The following PVT1 variants were observed in gnomAD, a reference collection of about 807,000 sequenced individuals.
PVT1 encodes CXCR4/PVT1 fusion.
chr8:127,937,804 G>C (rs1053736058), intron 3 of PVT1, among the ~76,000 whole-genome samples: 1 of 152,126 alleles, frequency 6.6e-6, no homozygotes, highest in Non-Finnish European at 1.5e-5. Flanking sequence ...CATCGAACAA[G>C]GGCATTATTT....
intron 3 of PVT1, among the ~76,000 whole-genome samples, chr8:127,961,553 G>A (rs1457280814): frequency 6.6e-6 from 1 of 152,210 alleles, no homozygotes; most frequent in Non-Finnish European, 1.5e-5. Context: ...TCTAAGGTAA[G>A]TGAGGGCTGT....
chr8:127,916,669 T>A (rs986835879), intron 3 of PVT1, among the ~76,000 whole-genome samples: 2 of 152,200 alleles, frequency 1.3e-5, no homozygotes, highest in African/African-American at 4.8e-5. Context: ...TTTGTCCTCC[T>A]CTCATCCTGG....
At position 128,031,029 on chromosome 8, in the gene PVT1, G is replaced by A. The variant is rs1404551725; in HGVS notation, n.913-39131G>A. ...ACACCAAAGTTCTCCCAACCATCGT[G>A]TTGACAGCTATCTGCCTGCTGCCCT... On this transcript the variant is annotated intron_variant and non_coding_transcript_variant, in intron 4 of 10. Coordinates refer to ENST00000651587, the Ensembl canonical transcript of PVT1. Among the ~76,000 whole-genome samples the A allele has an allele frequency of 5.3e-5, 8 of 152,340 alleles. No homozygotes were observed. The East Asian group carries it at 1.5e-3, about 29-fold the overall frequency.
chr8:128,081,964 ACAC>A (rs1453223534), intron 5 of PVT1, among the ~76,000 whole-genome samples: 1 of 152,084 alleles, frequency 6.6e-6, no homozygotes, highest in Non-Finnish European at 1.5e-5. Context: ...ATTGTATTGA[ACAC>A]CCCCCCTCAC....
chr8:128,092,051 C>T (rs552271747), intron 5 of PVT1, among the ~76,000 whole-genome samples: 54 of 151,814 alleles, frequency 3.6e-4, no homozygotes, highest in Non-Finnish European at 6.8e-4. Flanking sequence ...CGTGTGCAAG[C>T]TTTGGGCCTG....
chr8:127,833,601 A>G (rs575183836), intron 2 of PVT1, among the ~76,000 whole-genome samples: 1 of 152,212 alleles, frequency 6.6e-6, no homozygotes, highest in South Asian at 2.1e-4. Context: ...CTACAGGTGC[A>G]TGCTATGATG....
intron 3 of PVT1, among the ~76,000 whole-genome samples, chr8:127,935,345 ACAG>A (rs753362870): frequency 4.3e-4 from 66 of 151,896 alleles, no homozygotes; most frequent in Non-Finnish European, 8.7e-4. Context: ...CTGGCTCTAC[ACAG>A]CAGCAGGCAT....
chr8:128,019,991 G>T (rs953517585), intron 4 of PVT1, among the ~76,000 whole-genome samples: 2 of 152,160 alleles, frequency 1.3e-5, no homozygotes, highest in African/African-American at 4.8e-5. Flanking sequence ...TTCCATCAGA[G>T]AATCTCATTT....
chr8:127,952,520 T>C (rs1206833136), intron 3 of PVT1, among the ~76,000 whole-genome samples: 3 of 152,274 alleles, frequency 2.0e-5, no homozygotes, highest in Admixed American at 2.0e-4. Flanking sequence ...TTTCATTTGA[T>C]GCTTCCTTTA....
At position 127,954,555 on chromosome 8, in the gene PVT1, C is replaced by T. The variant is rs187487751; in HGVS notation, n.783-34607C>T. 6.5e-4 allele frequency among the ~76,000 whole-genome samples: 99 copies of T among 152,188 alleles called. 1 individual carries two copies. The highest frequency in any genetic ancestry group is 1.2e-3 in the Non-Finnish European group (85 of 68,004). ...TGATCCACCCGCCTCGGCCTCCCAA[C>T]GTGCTGGGATTACAGGCATGAGCCA... On this transcript the variant is annotated intron_variant and non_coding_transcript_variant, in intron 3 of 10. Transcript: ENST00000651587.
intron 2 of PVT1, among the ~76,000 whole-genome samples, chr8:127,817,018 C>T (rs1265575961): frequency 6.6e-6 from 1 of 151,916 alleles, no homozygotes; most frequent in Non-Finnish European, 1.5e-5. Flanking sequence ...CCCCCCACCC[C>T]CTCCCGATAC....
rs191310962 is a variant in PVT1 at position 127,847,043 on chromosome 8, C to G, written n.373-43546C>G. On this transcript the variant is annotated intron_variant and non_coding_transcript_variant, in intron 2 of 10. Coordinates refer to ENST00000651587, the Ensembl canonical transcript of PVT1. ...GTTGAGATGGAGTATTGCTTTGTTG[C>G]CCAGGCTGGAGTGCAGTGGTGAGAT... is the stretch of plus-strand genomic sequence containing the variant. 3.5e-4 allele frequency among the ~76,000 whole-genome samples: 47 copies of G among 135,444 alleles called. 1 individual carries two copies. Among genetic ancestry groups the G allele is most frequent in the African/African-American group, 1.2e-3 (44 of 35,308 alleles). The allele number at this position is 135,444 out of a possible 152,430, so 88.9% of individuals were successfully genotyped here. A position where few individuals can be genotyped will look rare whatever the true frequency, so the allele number is the denominator to read the frequency against.
intron 2 of PVT1, among the ~76,000 whole-genome samples, chr8:127,886,780 C>G (rs1815528602): frequency 6.6e-6 from 1 of 152,198 alleles, no homozygotes; most frequent in African/African-American, 2.4e-5. Context: ...TGGGTCATCT[C>G]AGGATCATGG....
intron 2 of PVT1, among the ~76,000 whole-genome samples, chr8:127,865,633 C>T (rs1815278717): frequency 6.6e-6 from 1 of 152,212 alleles, no homozygotes; most frequent in Admixed American, 6.5e-5. Flanking sequence ...GAAATAGGAA[C>T]TCCCCCAGAG....
intron 4 of PVT1, among the ~76,000 whole-genome samples, chr8:128,008,042 T>G (rs1392176373): frequency 6.6e-6 from 1 of 152,250 alleles, no homozygotes; most frequent in Non-Finnish European, 1.5e-5. Flanking sequence ...ACTAAGATTG[T>G]ATCATTTTGG....
At chr8:127,887,161 C>A (rs1378722556) in intron 2 of PVT1, among the ~76,000 whole-genome samples, 1 of 152,164 alleles carries the variant, frequency 6.6e-6, no homozygotes, top group Non-Finnish European at 1.5e-5. Flanking sequence ...TCTCTTTTTA[C>A]CAGGATTTCT....
chr8:128,087,086 G>A (rs1814268027), intron 5 of PVT1, among the ~76,000 whole-genome samples: 1 of 152,216 alleles, frequency 6.6e-6, no homozygotes, highest in Non-Finnish European at 1.5e-5. Context: ...CAATAGTGGA[G>A]CATCTTTGTG....
chr8:128,071,725 T>TAAATAAAAAC (rs1813997602), intron 5 of PVT1, among the ~76,000 whole-genome samples: 1 of 79,500 alleles, frequency 1.3e-5, no homozygotes, highest in Non-Finnish European at 2.7e-5. Flanking sequence ...TAAATAAAAA[T>TAAATAAAAAC]AAAAGAAATG....
chr8:128,077,640 C>A (rs2542403), intron 5 of PVT1, among the ~76,000 whole-genome samples: 35,964 of 151,986 alleles, frequency 0.24, 4,495 homozygotes, highest in East Asian at 0.39. Flanking sequence ...ATGATAAATT[C>A]GTTTTTTAAA....
Sources: gnomAD v4.1 joint callset for allele counts (sites outside exome capture counted in the v4.1 genomes callset) on GRCh38, gnomAD v4.1.1 for gene constraint, MANE v1.5 for transcripts, NCBI Gene and HGNC (gene_info 2026-07-23, HGNC 2026-07-21) for gene names.